Variants in SREBF1 observed in about 807,000 individuals in gnomAD.
SREBF1 encodes sterol regulatory element binding transcription factor 1.
Under a neutral mutation model 100.1 loss-of-function variants are expected in SREBF1, and 45 were observed. That is an observed-to-expected ratio of 0.45 (90% CI 0.35 to 0.58). The LOEUF is 0.58. SREBF1 is among the 20% of genes least tolerant of loss of function. SREBF1 has a pLI of 0.00. For missense variants in SREBF1, 1,324 were observed against 1,539.4 expected, an observed-to-expected ratio of 0.86 and a Z score of 2.34; for synonymous variants, 657 against 681.8, an observed-to-expected ratio of 0.96 and a Z score of 0.57.
At chr17:17,818,150 A>T in intron 6 of SREBF1, 110 bp downstream of exon 6, 1 of 518,372 alleles carries the variant, frequency 1.9e-6, no homozygotes, top group Non-Finnish European at 2.8e-6. Context: ...GGCAGGGCAG[A>T]GGGTGGGCCA....
At position 17,823,372 on chromosome 17, in the gene SREBF1, C is replaced by T. The variant is rs1464426464; in HGVS notation, c.92-2851G>A. ...TGGAGGTAGCCCTCCACTTCCCCAGCGAGCTGGTAACTGTCACACCTTCTC... is the reference window on the plus strand; with the variant it reads ...TGGAGGTAGCCCTCCACTTCCCCAGTGAGCTGGTAACTGTCACACCTTCTC... On this transcript the variant is annotated intron_variant, in intron 1 of 18. Transcript: ENST00000261646. 18 of 730,654 alleles carry T rather than the reference C, an allele frequency of 2.5e-5. No individual in the cohort carries two copies. In the Admixed American group the frequency reaches 3.4e-4, roughly 14 times the overall value. 45.3% of individuals were successfully genotyped at this position (730,654 alleles called of 1,614,324 possible). A position where few individuals can be genotyped will look rare whatever the true frequency, so the allele number is the denominator to read the frequency against.
Position 17,811,615 on chromosome 17 carries a change from C to T in SREBF1, c.*1007G>A, listed in dbSNP as rs1431274711. The T allele has an allele frequency of 9.4e-6, 4 of 427,428 alleles. No homozygotes were observed. The highest frequency in any genetic ancestry group is 8.4e-5 in the African/African-American group (4 of 47,378). The allele number at this position is 427,428 out of a possible 1,614,324, so 26.5% of individuals were successfully genotyped here. A position where few individuals can be genotyped will look rare whatever the true frequency, so the allele number is the denominator to read the frequency against. On this transcript the variant is annotated 3_prime_UTR_variant, in exon 19 of 19. Transcript: ENST00000261646. ...CCTCCCCCGCCCCTGTGCCCCCTCT[C>T]CAGTGTGGCGGCAGGTCGGGAGGGA... is the stretch of plus-strand genomic sequence containing the variant.
intron 1 of SREBF1, among the ~76,000 whole-genome samples, chr17:17,831,038 T>C (rs372230663): frequency 2.9e-4 from 29 of 99,838 alleles, no homozygotes; most frequent in Middle Eastern, 0.01. Context: ...CTCAGGATGT[T>C]TGTGTCCAGC....
At chr17:17,833,922 G>T (rs1437828636) in intron 1 of SREBF1, among the ~76,000 whole-genome samples, 2 of 151,846 alleles carry the variant, frequency 1.3e-5, no homozygotes, top group Non-Finnish European at 2.9e-5. Context: ...AGTGAGCTGA[G>T]ATCATGCCAC....
intron 1 of SREBF1, among the ~76,000 whole-genome samples, chr17:17,829,849 A>G (rs2034746614): frequency 6.6e-6 from 1 of 152,218 alleles, no homozygotes; most frequent in African/African-American, 2.4e-5. Flanking sequence ...AATGTTGCCC[A>G]GGCTGGTCTT....
intron 13 of SREBF1, 24 bp downstream of exon 13, chr17:17,815,197 G>C: frequency 6.2e-7 from 1 of 1,600,778 alleles, no homozygotes; most frequent in African/African-American, 1.3e-5. Context: ...GGCCTTGCCT[G>C]GAGGAGGGCA....
chr17:17,816,923 C>G, intron 9 of SREBF1, 35 bp downstream of exon 9: 1 of 1,612,184 alleles, frequency 6.2e-7, no homozygotes. Flanking sequence ...CCTGGGGTCC[C>G]TGCCCTGCCC....
At chr17:17,813,242 T>G in intron 18 of SREBF1, 126 bp downstream of exon 18, 1 of 1,008,832 alleles carries the variant, frequency 9.9e-7, no homozygotes, top group Non-Finnish European at 1.5e-6. Context: ...GTGCTAGGTG[T>G]GAGCCACTGC....
rs761525507 is a variant in SREBF1, at chr17:17,813,637, G to T, written c.3034C>A (p.Arg1012Ser). The part of the protein sequence containing the change: ...SRPQASALEL[R>S]GFQRDLSSLR... ...CTGCTCAGGTCCCGTTGGAAGCCAC[G>T]CAGCTCAAGGGCGGAAGCCTGGGGC... The change falls in exon 17 of 19, where the codon CGT becomes AGT. Residue 1012 changes from arginine to serine, a missense_variant. By Grantham distance (110) the Arg-to-Ser change is moderately radical. Coordinates refer to ENST00000261646, the MANE Select transcript of SREBF1 (RefSeq NM_004176.5). 1.4e-5 allele frequency: 22 copies of T among 1,576,220 alleles called. No homozygotes were observed. The Admixed American group carries it at 3.2e-4, about 23-fold the overall frequency.
At chr17:17,820,008 A>C in intron 2 of SREBF1, 82 bp downstream of exon 2, 2 of 1,429,452 alleles carry the variant, frequency 1.4e-6, no homozygotes, top group Non-Finnish European at 1.9e-6. Flanking sequence ...ACAGACCTCT[A>C]CTCACATCAC....
chr17:17,818,982 C>G, intron 5 of SREBF1, 31 bp downstream of exon 5: 3 of 1,606,058 alleles, frequency 1.9e-6, no homozygotes, highest in Non-Finnish European at 2.5e-6. Context: ...TAGGGACACC[C>G]CGGTCTGTGC....
rs755965677 is a variant in SREBF1 at position 17,813,455 on chromosome 17, G to A, written c.3127C>T (p.Arg1043Trp). Residue 1043 changes from arginine (R) to tryptophan (W), a missense_variant, in exon 18 of 19, where the codon CGG (arginine) becomes TGG (tryptophan). By Grantham distance (101) the Arg-to-Trp change is moderately radical (BLOSUM62 -3). Transcript: ENST00000261646. Reference sequence around the variant, plus strand: ...GTGGGGCTGGCCCCCGCCATCAGCCGGGCCGTGGCCTCATGTAGGAACACC... The same window carrying A: ...GTGGGGCTGGCCCCCGCCATCAGCCAGGCCGTGGCCTCATGTAGGAACACC... ...RRVFLHEATA[R>W]LMAGASPTRT... The A allele has an allele frequency of 1.6e-5, 26 of 1,604,208 alleles. No homozygotes were observed. The highest frequency in any genetic ancestry group is 1.4e-4 in the Admixed American group (8 of 59,236).
At chr17:17,818,880 A>G in intron 5 of SREBF1, 133 bp downstream of exon 5, 1 of 1,054,778 alleles carries the variant, frequency 9.5e-7, no homozygotes, top group Non-Finnish European at 1.4e-6. Flanking sequence ...GAGGCTGGCC[A>G]GGCCTGGGGA....
At chr17:17,820,825 G>C (rs986296436) in intron 1 of SREBF1, 4 of 462,542 alleles carry the variant, frequency 8.6e-6, no homozygotes, top group Admixed American at 6.8e-5. Flanking sequence ...GCTGAGCCCA[G>C]GGTCGGGCCC....
intron 1 of SREBF1, among the ~76,000 whole-genome samples, chr17:17,827,990 C>T (rs748618066): frequency 3.3e-5 from 5 of 152,220 alleles, no homozygotes; most frequent in Non-Finnish European, 4.4e-5. Context: ...CCTGCCCTGC[C>T]AAATTAGAGG....
At position 17,812,434 on chromosome 17, in the gene SREBF1, G is replaced by A. The variant is rs564243706; in HGVS notation, c.*188C>T. The A allele has an allele frequency of 5.9e-5, 39 of 665,736 alleles. No individual in the cohort carries two copies. Among genetic ancestry groups the A allele is most frequent in the Middle Eastern group, 8.4e-4 (2 of 2,392 alleles). The allele number at this position is 665,736 out of a possible 1,614,324, so 41.2% of individuals were successfully genotyped here. On this transcript the variant is annotated 3_prime_UTR_variant, in exon 19 of 19. Coordinates refer to ENST00000261646, the MANE Select transcript of SREBF1 (RefSeq NM_004176.5). ...ACCAGAGGTCAGCACCATCATGGCC[G>A]CCGGTCTTAGGGTCAAGATCGCGCC...
intron 1 of SREBF1, among the ~76,000 whole-genome samples, chr17:17,829,205 AAT>A (rs71155305): frequency 0.083 from 5,462 of 65,528 alleles, 255 homozygotes; most frequent in East Asian, 0.14. Context: ...AAAAAAAAAA[AAT>A]ATATATATAT....
At chr17:17,812,905 G>GA in intron 18 of SREBF1, 54 bp from the exon 19 acceptor site, 1 of 1,420,334 alleles carries the variant, frequency 7.0e-7, no homozygotes. Flanking sequence ...ACGCCCCCGC[G>GA]GGAGCCCTGC....
chr17:17,814,323 G>C lies in SREBF1; in HGVS notation c.2823C>G (p.Ser941Arg), dbSNP rs1311407172. The stretch of plus-strand genomic sequence containing the variant: ...CACTGGCCTTCTCACAGATGGTCAG[G>C]CTGGCTGGACCAGACTCTGCCTTGG... The part of the protein sequence containing the change: ...GCAKAESGPA[S>R]LTICEKASGY... Residue 941 changes from serine to arginine, a missense_variant, in exon 16 of 19, where the codon AGC (serine) becomes AGG (arginine). Transcript: ENST00000261646. 1 of 1,593,592 alleles carries C rather than the reference G, an allele frequency of 6.3e-7. No individual in the cohort carries two copies. The highest frequency in any genetic ancestry group is 8.5e-7 in the Non-Finnish European group (1 of 1,170,428).
Sources: gnomAD v4.1 joint callset for allele counts (sites outside exome capture counted in the v4.1 genomes callset) on GRCh38, gnomAD v4.1.1 for gene constraint, MANE v1.5 for transcripts, NCBI Gene and HGNC (gene_info 2026-07-23, HGNC 2026-07-21) for gene names.